The following TMCO4 variants were observed in gnomAD, a reference collection of about 807,000 sequenced individuals.
TMCO4 encodes the protein transmembrane and coiled-coil domain-containing protein 4.
Under a neutral mutation model 64.7 loss-of-function variants are expected in TMCO4, and 58 were observed. The ratio of observed to expected loss-of-function variants is 0.90; its 90% CI spans 0.73 to 1.12. The LOEUF (loss-of-function observed/expected upper bound fraction) is 1.12. Ranked by LOEUF, TMCO4 falls within the 50% of genes most tolerant of loss-of-function variation. The pLI is 0.00. For missense variants in TMCO4, 780 were observed against 825.9 expected (o/e 0.94, Z 0.68); for synonymous variants, 325 against 346.1 (o/e 0.94, Z 0.68).
At chr1:19,690,866 C>CT (rs34764589) in intron 15 of TMCO4, among the ~76,000 whole-genome samples, 63,865 of 111,148 alleles carry the variant, frequency 0.57, 18,800 homozygotes, top group African/African-American at 0.6. Flanking sequence ...TGTGAAGACT[C>CT]TTTTTTTTTT....
chr1:19,780,557 C>A, intron 4 of TMCO4, 23 bp downstream of exon 4: 1 of 1,563,842 alleles, frequency 6.4e-7, no homozygotes. Flanking sequence ...ATGACCTTCC[C>A]ACTGCAAGAC....
chr1:19,764,563 G>A (rs12035374), intron 6 of TMCO4, among the ~76,000 whole-genome samples: 44,772 of 152,068 alleles, frequency 0.29, 6,799 homozygotes, highest in East Asian at 0.35. Context: ...AACTGTATGA[G>A]TCTCAAGGAT....
intron 4 of TMCO4, among the ~76,000 whole-genome samples, chr1:19,775,368 C>T (rs1310658987): frequency 1.3e-5 from 2 of 152,168 alleles, no homozygotes; most frequent in East Asian, 1.9e-4. Flanking sequence ...TGAGGCACCG[C>T]GCCTGGCCAG....
chr1:19,684,870 C>T (rs999535008), intron 15 of TMCO4, among the ~76,000 whole-genome samples: 1 of 152,168 alleles, frequency 6.6e-6, no homozygotes, highest in Non-Finnish European at 1.5e-5. Context: ...GACGAGATGG[C>T]CAGAGCTTGA....
intron 15 of TMCO4, among the ~76,000 whole-genome samples, chr1:19,691,368 G>T (rs531106800): frequency 2.6e-5 from 4 of 152,202 alleles, no homozygotes; most frequent in African/African-American, 9.7e-5. Flanking sequence ...TGGCCCCAGC[G>T]ACCTGGTGTC....
intron 3 of TMCO4, among the ~76,000 whole-genome samples, chr1:19,785,834 T>C (rs2043711946): frequency 6.6e-6 from 1 of 151,972 alleles, no homozygotes; most frequent in South Asian, 2.1e-4. Context: ...TATGAAGTGA[T>C]GGGGTGAAGC....
At chr1:19,730,291 G>A (rs780957966) in intron 13 of TMCO4, among the ~76,000 whole-genome samples, 18 of 152,172 alleles carry the variant, frequency 1.2e-4, no homozygotes, top group Non-Finnish European at 2.2e-4. Context: ...GAGCTCCCTC[G>A]ACCTGGGCAT....
At chr1:19,694,852 T>C (rs886460711) in intron 14 of TMCO4, among the ~76,000 whole-genome samples, 2 of 152,186 alleles carry the variant, frequency 1.3e-5, no homozygotes, top group African/African-American at 2.4e-5. Flanking sequence ...TGGCATGCAA[T>C]AGAGGAATAT....
At chr1:19,683,757 GCTTTTTTTT>G (rs2095123153) in intron 15 of TMCO4, among the ~76,000 whole-genome samples, 1 of 114,216 alleles carries the variant, frequency 8.8e-6, no homozygotes, top group Admixed American at 9.6e-5. Context: ...TTTGTCTGAA[GCTTTTTTTT>G]TTTTTTTTTT....
rs1169730338 is a variant in TMCO4 at position 19,746,466 on chromosome 1, A to G, written c.747T>C (p.Ala249=). Residue 249 remains alanine (A), a synonymous_variant, in exon 9 of 16, where the codon GCT becomes GCC. Coordinates refer to ENST00000294543, the MANE Select transcript of TMCO4 (RefSeq NM_181719.7). ...IMTSLFGAAG[A]GLTGYKMKKR... Reference sequence around the variant, plus strand: ...CCTTTTGAACCTTACCTGTCAGGCCAGCTCCAGCTGCACCAAACAGCGAGG... The same window carrying G: ...CCTTTTGAACCTTACCTGTCAGGCCGGCTCCAGCTGCACCAAACAGCGAGG... The G allele has an allele frequency of 1.2e-6, 2 of 1,613,542 alleles. No homozygotes were observed. The highest frequency in any genetic ancestry group is 4.5e-5 in the East Asian group (2 of 44,864).
At chr1:19,713,312 G>T (rs1050026987) in intron 13 of TMCO4, among the ~76,000 whole-genome samples, 1 of 152,118 alleles carries the variant, frequency 6.6e-6, no homozygotes, top group Middle Eastern at 3.2e-3. Context: ...GCAACATACT[G>T]ATGGCTCATG....
chr1:19,695,861 T>A (rs1400126503), intron 14 of TMCO4, among the ~76,000 whole-genome samples: 1 of 152,138 alleles, frequency 6.6e-6, no homozygotes, highest in African/African-American at 2.4e-5. Context: ...CCTTCCCCAC[T>A]GTAATCTGCC....
chr1:19,708,552 C>T (rs1231510397), intron 13 of TMCO4, among the ~76,000 whole-genome samples: 1 of 152,122 alleles, frequency 6.6e-6, no homozygotes, highest in Non-Finnish European at 1.5e-5. Flanking sequence ...CGGGGCCAGC[C>T]CTTCCAAAGG....
rs542340573 is a variant in TMCO4, at chr1:19,732,508, G to A, written c.1264+4864C>T. Among the ~76,000 whole-genome samples, 2 of 152,118 alleles carry A rather than the reference G, an allele frequency of 1.3e-5. No homozygotes were observed. Among genetic ancestry groups the A allele is most frequent in the East Asian group, 1.9e-4 (1 of 5,168 alleles). On this transcript the variant is annotated intron_variant, in intron 13 of 15. Coordinates refer to ENST00000294543, the MANE Select transcript of TMCO4 (RefSeq NM_181719.7). The surrounding 1 kb of genome is among the most constrained non-coding windows in gnomAD (Gnocchi z 4.8). Reference sequence around the variant, plus strand: ...AAAGTCAAGGCACAGGATGACCAGCGTCCTTTCTCACCTCCTCTCTAGATG... The same window carrying A: ...AAAGTCAAGGCACAGGATGACCAGCATCCTTTCTCACCTCCTCTCTAGATG...
chr1:19,770,364 A>G (rs1390162266), intron 6 of TMCO4, among the ~76,000 whole-genome samples, 178 bp downstream of exon 6: 1 of 152,174 alleles, frequency 6.6e-6, no homozygotes, highest in African/African-American at 2.4e-5. Flanking sequence ...GAAGCACCAC[A>G]CAGTCCTGGC....
At chr1:19,781,596 T>C (rs1247067469) in intron 3 of TMCO4, among the ~76,000 whole-genome samples, 1 of 151,290 alleles carries the variant, frequency 6.6e-6, no homozygotes, top group Non-Finnish European at 1.5e-5. Flanking sequence ...CTAAAAAGAC[T>C]GAGAATACCA....
In TMCO4 at chr1:19,719,360, CAGG is replaced by C. The variant is rs1408077947; in HGVS notation, c.1264+18009_1264+18011del. ...TGGCATCACTATATACCCTCACAGA[CAGG>C]AGAAATATGCAGTCAACTTTTTCTG... On this transcript the variant is annotated intron_variant, in intron 13 of 15. Coordinates refer to ENST00000294543, the MANE Select transcript of TMCO4 (RefSeq NM_181719.7). Among the ~76,000 whole-genome samples the C allele has an allele frequency of 2.6e-5, 4 of 152,306 alleles. No homozygotes were observed. The East Asian group carries it at 7.7e-4, about 29-fold the overall frequency.
Position 19,730,401 on chromosome 1 carries a change from C to T in TMCO4, c.1264+6971G>A, listed in dbSNP as rs74058613. On this transcript the variant is annotated intron_variant, in intron 13 of 15. Transcript: ENST00000294543. Reference sequence around the variant, plus strand: ...GCAATATTGGGGATGTTTGTCACTGCGGCATAACCTAGGCTGTCCTGACTG... The same window carrying T: ...GCAATATTGGGGATGTTTGTCACTGTGGCATAACCTAGGCTGTCCTGACTG... Among the ~76,000 whole-genome samples, 1,375 of 152,302 alleles carry T rather than the reference C, an allele frequency of 9.0e-3. 22 individuals carry two copies. The highest frequency in any genetic ancestry group is 0.03 in the African/African-American group (1,263 of 41,580).
At chr1:19,785,734 A>T (rs551675204) in intron 3 of TMCO4, among the ~76,000 whole-genome samples, 17 of 152,364 alleles carry the variant, frequency 1.1e-4, no homozygotes, top group African/African-American at 3.8e-4. Flanking sequence ...TGCAGAATCC[A>T]TGCCCTCAGC....
Sources: gnomAD v4.1 joint callset for allele counts (sites outside exome capture counted in the v4.1 genomes callset) on GRCh38, gnomAD v4.1.1 for gene constraint, Gnocchi (gnomAD v3.1) non-coding constraint, MANE v1.5 for transcripts, NCBI Gene and HGNC (gene_info 2026-07-23, HGNC 2026-07-21) for gene names.